The following LPXN variants were observed in gnomAD, a reference collection of about 807,000 sequenced individuals.
LPXN encodes leupaxin.
In LPXN, 28 loss-of-function variants were observed where a neutral mutation model predicts 45.6. The observed-to-expected ratio is 0.61, with a 90% CI of 0.45 to 0.84. LPXN has a LOEUF of 0.84. LPXN is among the 40% of genes least tolerant of loss of function. The pLI, the probability that LPXN is intolerant of heterozygous loss-of-function variation, is 0.00. For synonymous variants in LPXN, 166 were observed against 169.9 expected, an observed-to-expected ratio of 0.98 and a Z score of 0.18; for missense variants, 459 against 475.0, an observed-to-expected ratio of 0.97 and a Z score of 0.31.
At chr11:58,578,159 G>A (rs1590600947), upstream of LPXN, 3 of 1,364,154 alleles carry the variant, frequency 2.2e-6, no homozygotes, top group South Asian at 1.4e-5. Flanking sequence ...TAAAAAGTAA[G>A]AAAAAGTAGG....
At chr11:58,577,260 T>C (rs1854922405), upstream of LPXN, among the ~76,000 whole-genome samples, 1 of 152,222 alleles carries the variant, frequency 6.6e-6, no homozygotes, top group Non-Finnish European at 1.5e-5. Context: ...AAAATTTCCA[T>C]TGACACTATG....
rs1425402525 is a variant in LPXN, at chr11:58,564,143, A to G, written c.218+12T>C. ...TTTAATTTTTAAAAGCATTTAATAG[A>G]AAAAAAAATACCTGTAGACATTGAG... On this transcript the variant is annotated intron_variant, in intron 3 of 8. Coordinates refer to ENST00000395074, the MANE Select transcript of LPXN (RefSeq NM_004811.3). The G allele has an allele frequency of 1.4e-6, 2 of 1,479,068 alleles. No homozygotes were observed. The highest frequency in any genetic ancestry group is 3.9e-5 in the Admixed American group (2 of 51,512). The allele number at this position is 1,479,068 out of a possible 1,614,324, so 91.6% of individuals were successfully genotyped here.
At chr11:58,531,272 C>T (rs1243573625) in intron 7 of LPXN, among the ~76,000 whole-genome samples, 1 of 152,014 alleles carries the variant, frequency 6.6e-6, no homozygotes, top group Non-Finnish European at 1.5e-5. Flanking sequence ...TATAAAGGAG[C>T]ATGTTCTAAC....
chr11:58,540,630 A>G (rs576891188), intron 7 of LPXN, among the ~76,000 whole-genome samples: 43 of 152,328 alleles, frequency 2.8e-4, no homozygotes, highest in African/African-American at 1.0e-3. Flanking sequence ...GAAGCTAGGT[A>G]AGGAAGCACA....
At chr11:58,527,756 C>T (rs1341288603) in intron 8 of LPXN, 33 bp from the exon 9 acceptor site, 1 of 1,595,936 alleles carries the variant, frequency 6.3e-7, no homozygotes, top group Non-Finnish European at 8.6e-7. Flanking sequence ...AAAAAGAATG[C>T]AAATGTCAAG....
intron 3 of LPXN, among the ~76,000 whole-genome samples, chr11:58,558,282 C>T (rs1007812585): frequency 3.3e-5 from 5 of 151,602 alleles, no homozygotes; most frequent in African/African-American, 1.2e-4. Flanking sequence ...ATCGTTCATA[C>T]CTGTGATCCC....
At position 58,570,641 on chromosome 11, in the gene LPXN, G is replaced by A; in HGVS notation, c.86C>T (p.Pro29Leu). ...CTCCTTTCTGGAATGCTGATCCAGG[G>A]GAAGAGGAGCTGGGTTGGAATATTC... The part of the protein sequence containing the change: ...SDEYSNPAPL[P>L]LDQHSRKETN... Residue 29 changes from proline to leucine, a missense_variant, in exon 2 of 9, where the codon CCC becomes CTC. Pro to Leu is a moderately conservative substitution (Grantham distance 98, BLOSUM62 -3). Coordinates refer to ENST00000395074, the MANE Select transcript of LPXN (RefSeq NM_004811.3). 13 of 1,613,860 alleles carry A rather than the reference G, an allele frequency of 8.1e-6. No homozygotes were observed. Among genetic ancestry groups the A allele is most frequent in the Non-Finnish European group, 1.1e-5 (13 of 1,179,876 alleles).
rs1565200137 is a variant in LPXN, at chr11:58,560,246, A to G, written c.218+3909T>C. Among the ~76,000 whole-genome samples, 4 of 152,350 alleles carry G rather than the reference A, an allele frequency of 2.6e-5. No individual in the cohort carries two copies. The Middle Eastern group carries it at 0.014, about 518-fold the overall frequency. ...GACATCAGTAATGCAATTCACCTGT[A>G]TATCTCAGTTATTATACACACACAT... On this transcript the variant is annotated intron_variant, in intron 3 of 8. Coordinates refer to ENST00000395074, the MANE Select transcript of LPXN (RefSeq NM_004811.3).
chr11:58,536,822 AC>A (rs1160139575), intron 7 of LPXN, among the ~76,000 whole-genome samples: 1 of 152,112 alleles, frequency 6.6e-6, no homozygotes, highest in Non-Finnish European at 1.5e-5. Flanking sequence ...AGAAAAAAAA[AC>A]AACCCCATCA....
At chr11:58,545,288 T>C (rs907628555) in intron 7 of LPXN, among the ~76,000 whole-genome samples, 1 of 152,168 alleles carries the variant, frequency 6.6e-6, no homozygotes, top group African/African-American at 2.4e-5. Context: ...GGTCATCCTA[T>C]GGATTGGGTA....
At chr11:58,561,389 A>G (rs930391207) in intron 3 of LPXN, among the ~76,000 whole-genome samples, 2 of 152,204 alleles carry the variant, frequency 1.3e-5, no homozygotes, top group African/African-American at 4.8e-5. Context: ...AGGAAAATGG[A>G]TATCTCTTAA....
intron 1 of LPXN, 100 bp downstream of exon 1, chr11:58,575,660 A>G: frequency 3.0e-6 from 4 of 1,313,256 alleles, no homozygotes; most frequent in Non-Finnish European, 4.4e-6. Context: ...AAAATCTTCC[A>G]TTACTACCCT....
chr11:58,570,845 C>T (rs1033184891), intron 1 of LPXN, 132 bp from the exon 2 acceptor site: 6 of 577,288 alleles, frequency 1.0e-5, no homozygotes, highest in Non-Finnish European at 1.7e-5. Context: ...AAATACTTTC[C>T]CTTATTCCTT....
In LPXN at chr11:58,527,702, T is replaced by G. The variant is rs181781366; in HGVS notation, c.913A>C (p.Thr305Pro). The change falls in exon 9 of 9, where the codon ACT becomes CCT. Residue 305 changes from threonine (T) to proline (P), a missense_variant. By Grantham distance (38) the Thr-to-Pro change is conservative. Coordinates refer to ENST00000395074, the MANE Select transcript of LPXN (RefSeq NM_004811.3). ...CCATCCAGTTCAAAGAAGGAGCCAG[T>G]AGAAAAACTGGTGAAGCAGTCCTGG... ...VCGDCFTSFSTGSFFELDGRP... is the reference protein window; with the variant it reads ...VCGDCFTSFSPGSFFELDGRP... The G allele has an allele frequency of 1.2e-6, 2 of 1,613,980 alleles. No individual in the cohort carries two copies. The highest frequency in any genetic ancestry group is 2.7e-5 in the African/African-American group (2 of 75,004).
intron 7 of LPXN, among the ~76,000 whole-genome samples, chr11:58,537,092 A>C (rs1174398076): frequency 6.6e-6 from 1 of 151,990 alleles, no homozygotes; most frequent in Non-Finnish European, 1.5e-5. Context: ...CCATTGTGGA[A>C]GACTATGTGG....
At chr11:58,570,022 G>C (rs952834333) in intron 2 of LPXN, among the ~76,000 whole-genome samples, 3 of 152,052 alleles carry the variant, frequency 2.0e-5, no homozygotes, top group Non-Finnish European at 4.4e-5. Flanking sequence ...TGTAGTTCTC[G>C]GCTGGGCGTG....
Position 58,527,680 on chromosome 11 carries a change from T to C in LPXN, c.935A>G (p.Asp312Gly). 6.2e-7 allele frequency: 1 copy of C among 1,613,958 alleles called. No homozygotes were observed. Among genetic ancestry groups the C allele is most frequent in the Non-Finnish European group, 8.5e-7 (1 of 1,179,994 alleles). Residue 312 changes from aspartate (D) to glycine (G), a missense_variant, in exon 9 of 9, where the codon GAT (aspartate) becomes GGT (glycine). By Grantham distance (94) the Asp-to-Gly change is moderately conservative. Transcript: ENST00000395074. Reference protein sequence around the residue: ...SFSTGSFFELDGRPFCELHYH... With the variant: ...SFSTGSFFELGGRPFCELHYH... ...ATGGAGCTCACAGAATGGACGTCCA[T>C]CCAGTTCAAAGAAGGAGCCAGTAGA...
chr11:58,569,689 C>T (rs1854626633), intron 2 of LPXN, among the ~76,000 whole-genome samples: 1 of 152,088 alleles, frequency 6.6e-6, no homozygotes, highest in Non-Finnish European at 1.5e-5. Flanking sequence ...TGCACCTGCC[C>T]TAGGTTTTTA....
chr11:58,527,094 G>A lies in LPXN; in HGVS notation c.*360C>T, dbSNP rs1853247273. ...CAGGACCAAATTAGAGAAGATATGA[G>A]TAGGGCCATCACTAGAGGTGAAAAT... On this transcript the variant is annotated 3_prime_UTR_variant, in exon 9 of 9. Transcript: ENST00000395074. The A allele has an allele frequency of 4.8e-6, 1 of 207,420 alleles. No homozygotes were observed. Among genetic ancestry groups the A allele is most frequent in the Non-Finnish European group, 1.0e-5 (1 of 100,116 alleles). 12.8% of individuals were successfully genotyped at this position (207,420 alleles called of 1,614,324 possible).
Sources: allele counts gnomAD v4.1 joint callset (sites outside exome capture counted in the v4.1 genomes callset), GRCh38; gene constraint gnomAD v4.1.1; transcripts MANE v1.5; gene names NCBI Gene and HGNC (gene_info 2026-07-23, HGNC 2026-07-21).